The following DCC variants were observed in gnomAD, a reference collection of about 807,000 sequenced individuals.
DCC encodes the protein netrin receptor DCC.
Under a neutral mutation model 172.5 loss-of-function variants are expected in DCC, and 58 were observed. The observed-to-expected ratio is 0.34, with a 90% CI of 0.27 to 0.42. DCC has a LOEUF of 0.42. Among genes scored for constraint, DCC ranks in the 10% least tolerant of loss-of-function variants. The pLI is 1.00. For synonymous variants in DCC, 709 were observed against 644.5 expected (o/e 1.10, Z -1.52); for missense variants, 1,740 against 1,791.0 (o/e 0.97, Z 0.51).
intron 1 of DCC, among the ~76,000 whole-genome samples, chr18:52,554,265 C>A (rs1247267342): frequency 6.6e-6 from 1 of 152,052 alleles, no homozygotes; most frequent in Non-Finnish European, 1.5e-5. Flanking sequence ...ATTAATGAGA[C>A]ATTATCCATT....
At chr18:52,381,559 A>G (rs751836410) in intron 1 of DCC, among the ~76,000 whole-genome samples, 2 of 152,096 alleles carry the variant, frequency 1.3e-5, no homozygotes, top group African/African-American at 2.4e-5. Context: ...TATGTACTCA[A>G]TATAACTATA....
intron 1 of DCC, among the ~76,000 whole-genome samples, chr18:52,393,804 T>C (rs1266128082): frequency 6.6e-6 from 1 of 152,110 alleles, no homozygotes; most frequent in African/African-American, 2.4e-5. Flanking sequence ...TACCAATATC[T>C]GGGCTCCAAC....
chr18:53,038,444 C>G (rs2042124176), intron 5 of DCC, among the ~76,000 whole-genome samples: 1 of 151,922 alleles, frequency 6.6e-6, no homozygotes, highest in Non-Finnish European at 1.5e-5. Context: ...GGCATACCTC[C>G]AAATACCATT....
intron 12 of DCC, among the ~76,000 whole-genome samples, chr18:53,282,110 T>A (rs1220477067): frequency 1.3e-5 from 2 of 152,174 alleles, no homozygotes; most frequent in African/African-American, 4.8e-5. Context: ...ATAAATATCA[T>A]ATGTAATTCA....
rs552227970 is a variant in DCC, at chr18:53,091,340, T to A, written c.1261+25174T>A. On this transcript the variant is annotated intron_variant, in intron 7 of 28. Transcript: ENST00000442544. Reference sequence around the variant, plus strand: ...CCGTTCTACCAAATATATATATATATAAATATATGAAAATATATATACTAA... The same window carrying A: ...CCGTTCTACCAAATATATATATATAAAAATATATGAAAATATATATACTAA... Among the ~76,000 whole-genome samples the A allele has an allele frequency of 5.5e-3, 812 of 147,906 alleles. 4 individuals are homozygous for A. The highest frequency in any genetic ancestry group is 0.022 in the Admixed American group (320 of 14,710).
chr18:52,820,697 G>A (rs1431729), intron 2 of DCC, among the ~76,000 whole-genome samples: 17,074 of 151,982 alleles, frequency 0.11, 1,035 homozygotes, highest in South Asian at 0.2. Flanking sequence ...ACATTAGGAG[G>A]GTCACCAGAT....
chr18:53,091,841 ATCTATCTATCAATCTATC>A (rs1568299260), intron 7 of DCC, among the ~76,000 whole-genome samples: 38 of 64,768 alleles, frequency 5.9e-4, no homozygotes, highest in African/African-American at 2.6e-3. Context: ...CTATCTATCT[ATCTATCTATCAATCTATC>A]TATATATATA....
At chr18:52,888,555 C>T (rs1194671029) in intron 2 of DCC, among the ~76,000 whole-genome samples, 1 of 151,746 alleles carries the variant, frequency 6.6e-6, no homozygotes, top group Non-Finnish European at 1.5e-5. Context: ...GTTCTGATTA[C>T]TTAAAAAAAG....
chr18:53,401,227 AG>A (rs751555470), intron 18 of DCC, among the ~76,000 whole-genome samples: 6 of 152,300 alleles, frequency 3.9e-5, no homozygotes, highest in Middle Eastern at 6.8e-3. Flanking sequence ...ATACTGTATT[AG>A]TATCTATGCA....
At chr18:53,212,042 T>C (rs566653170) in intron 11 of DCC, among the ~76,000 whole-genome samples, 29 of 152,270 alleles carry the variant, frequency 1.9e-4, no homozygotes, top group South Asian at 1.0e-3. Context: ...AGAGAAATTC[T>C]GTCTCAAAAT....
intron 2 of DCC, among the ~76,000 whole-genome samples, chr18:52,852,490 T>C (rs2038991121): frequency 6.6e-6 from 1 of 152,168 alleles, no homozygotes; most frequent in South Asian, 2.1e-4. Context: ...CAATATACTT[T>C]AGGATAATTT....
chr18:52,849,087 C>G (rs965208098), intron 2 of DCC, among the ~76,000 whole-genome samples: 2 of 151,286 alleles, frequency 1.3e-5, no homozygotes, highest in Non-Finnish European at 2.9e-5. Context: ...TCAGTTTCAA[C>G]CTACTCTGTG....
chr18:53,046,444 C>A (rs1188914865), intron 5 of DCC, among the ~76,000 whole-genome samples: 1 of 150,890 alleles, frequency 6.6e-6, no homozygotes, highest in African/African-American at 2.4e-5. Flanking sequence ...ACTACCCATA[C>A]ATACTTCCAT....
chr18:52,853,148 G>T (rs1412533433), intron 2 of DCC, among the ~76,000 whole-genome samples: 1 of 152,128 alleles, frequency 6.6e-6, no homozygotes, highest in Non-Finnish European at 1.5e-5. Context: ...TTTGAATAGA[G>T]ACAAAAGCCC....
At chr18:53,474,056 A>G (rs1331377885) in intron 25 of DCC, among the ~76,000 whole-genome samples, 2 of 152,160 alleles carry the variant, frequency 1.3e-5, no homozygotes, top group African/African-American at 4.8e-5. Context: ...AACAACACAT[A>G]CATGGTTTTA....
At chr18:52,814,730 CCTTT>C (rs1218792089) in intron 2 of DCC, among the ~76,000 whole-genome samples, 1 of 151,984 alleles carries the variant, frequency 6.6e-6, no homozygotes, top group East Asian at 1.9e-4. Flanking sequence ...TATCAAAAAG[CCTTT>C]CTTAAACTCA....
At chr18:52,374,170 A>T (rs1216735765) in intron 1 of DCC, among the ~76,000 whole-genome samples, 3 of 151,958 alleles carry the variant, frequency 2.0e-5, no homozygotes, top group African/African-American at 7.2e-5. Context: ...GGGATTACAG[A>T]CATGAGCCAC....
intron 1 of DCC, among the ~76,000 whole-genome samples, chr18:52,584,697 G>A (rs1389325872): frequency 1.3e-5 from 2 of 151,208 alleles, no homozygotes; most frequent in Admixed American, 6.6e-5. Context: ...GCACCACCAT[G>A]CCCAGATAAT....
chr18:52,993,665 G>T (rs966716820), intron 5 of DCC, among the ~76,000 whole-genome samples: 1 of 152,038 alleles, frequency 6.6e-6, no homozygotes, highest in African/African-American at 2.4e-5. Flanking sequence ...TGAGTTTTTT[G>T]AATTCCCAGG....
Sources: allele counts gnomAD v4.1 joint callset (sites outside exome capture counted in the v4.1 genomes callset), GRCh38; gene constraint gnomAD v4.1.1; transcripts MANE v1.5; gene names NCBI Gene and HGNC (gene_info 2026-07-23, HGNC 2026-07-21).